Variants in NCKAP5 observed in about 807,000 individuals in gnomAD.
The protein encoded by NCKAP5 is NCK associated protein 5, also known as nck-associated protein 5.
In NCKAP5, 92 loss-of-function variants were observed where a neutral mutation model predicts 167.0. The observed-to-expected ratio is 0.55, with a 90% confidence interval of 0.47 to 0.66. The LOEUF is 0.66. Among genes scored for constraint, NCKAP5 ranks in the 30% least tolerant of loss-of-function variants. NCKAP5 has a pLI of 0.00. For synonymous variants in NCKAP5, 891 were observed against 877.4 expected, an observed-to-expected ratio of 1.02 and a Z score of -0.27; for missense variants, 2,378 against 2,315.0, an observed-to-expected ratio of 1.03 and a Z score of -0.56.
At chr2:132,903,507 AATGT>A (rs1347303145) in intron 8 of NCKAP5, among the ~76,000 whole-genome samples, 3 of 152,254 alleles carry the variant, frequency 2.0e-5, no homozygotes, top group Non-Finnish European at 4.4e-5. Context: ...TGATGTGACA[AATGT>A]ATGTTGACAG....
intron 8 of NCKAP5, among the ~76,000 whole-genome samples, chr2:132,919,473 G>A (rs1161094487): frequency 6.6e-6 from 1 of 152,134 alleles, no homozygotes; most frequent in Non-Finnish European, 1.5e-5. Context: ...GGGAGCCACC[G>A]CTGACAGAGA....
At chr2:133,471,616 G>A (rs1486408776) in intron 3 of NCKAP5, among the ~76,000 whole-genome samples, 3 of 152,144 alleles carry the variant, frequency 2.0e-5, no homozygotes, top group Non-Finnish European at 2.9e-5. Context: ...TGCCTTGGGT[G>A]ATCTCCTGAT....
intron 3 of NCKAP5, among the ~76,000 whole-genome samples, chr2:133,346,920 A>T (rs1026709905): frequency 1.2e-4 from 18 of 152,226 alleles, no homozygotes; most frequent in Admixed American, 9.2e-4. Flanking sequence ...GAGCTCTGAC[A>T]AGTACAAACT....
At chr2:133,103,452 C>A (rs1298026931) in intron 6 of NCKAP5, among the ~76,000 whole-genome samples, 1 of 152,104 alleles carries the variant, frequency 6.6e-6, no homozygotes, top group East Asian at 1.9e-4. Flanking sequence ...AGAGAGAAAG[C>A]ATTTTGAGTG....
In NCKAP5 at chr2:133,213,752, C is replaced by T. The variant is rs780425279; in HGVS notation, c.171G>A (p.Gln57=). Residue 57 remains glutamine (Q), a synonymous_variant, in exon 5 of 20, where the codon CAG becomes CAA. Coordinates refer to ENST00000409261, the MANE Select transcript of NCKAP5 (RefSeq NM_207363.3). ...CACTTGTTCTTTGGGCAACTTCTCG[C>T]TGTAGTCGGGCCACTGCCAACTTCT... is the stretch of plus-strand genomic sequence containing the variant. ...WREKLAVARL[Q]REVAQRTSEG... 1.9e-6 allele frequency: 3 copies of T among 1,613,792 alleles called. No individual in the cohort carries two copies. Among genetic ancestry groups the T allele is most frequent in the African/African-American group, 2.7e-5 (2 of 75,024 alleles).
chr2:133,374,641 G>A (rs1323169163), intron 3 of NCKAP5, among the ~76,000 whole-genome samples: 2 of 151,836 alleles, frequency 1.3e-5, no homozygotes, highest in African/African-American at 2.4e-5. Context: ...GGATATTGGT[G>A]ATGGGGAGAA....
At chr2:132,726,524 G>A (rs1335235447) in intron 18 of NCKAP5, among the ~76,000 whole-genome samples, 1 of 152,186 alleles carries the variant, frequency 6.6e-6, no homozygotes, top group Non-Finnish European at 1.5e-5. Flanking sequence ...TTGAATCGAG[G>A]TTATTTGGGG....
intron 12 of NCKAP5, among the ~76,000 whole-genome samples, chr2:132,793,730 G>A (rs1187020657): frequency 2.0e-5 from 3 of 152,194 alleles, no homozygotes; most frequent in Non-Finnish European, 2.9e-5. Flanking sequence ...GTAAGTTAAG[G>A]AGAGTGTCTG....
At chr2:133,608,029 C>CT in the NCKAP5 span, among the ~76,000 whole-genome samples, 2 of 152,132 alleles carry the variant, frequency 1.3e-5, no homozygotes, top group Admixed American at 6.5e-5. Flanking sequence ...ATTTGGGAAA[C>CT]TTTTTTTAAA....
At chr2:133,412,058 T>A (rs760416195) in intron 3 of NCKAP5, among the ~76,000 whole-genome samples, 37 of 152,108 alleles carry the variant, frequency 2.4e-4, no homozygotes, top group Non-Finnish European at 4.9e-4. Context: ...ATGGTCACAG[T>A]AGTCACTGCT....
chr2:132,781,834 T>A, intron 14 of NCKAP5, 106 bp downstream of exon 14: 1 of 1,053,876 alleles, frequency 9.5e-7, no homozygotes, highest in Non-Finnish European at 1.4e-6. Context: ...TCTGCCTGTA[T>A]GAAAAAACAT....
chr2:132,952,215 T>A (rs1574749242), intron 8 of NCKAP5, among the ~76,000 whole-genome samples: 1 of 152,346 alleles, frequency 6.6e-6, no homozygotes, highest in East Asian at 1.9e-4. Context: ...ATGTTGCCCC[T>A]ATAGTTCATT....
At chr2:133,202,498 C>A (rs907647261) in intron 5 of NCKAP5, among the ~76,000 whole-genome samples, 1 of 152,118 alleles carries the variant, frequency 6.6e-6, no homozygotes, top group Non-Finnish European at 1.5e-5. Context: ...AGGTCTAAAA[C>A]ACCAAAAGCA....
intron 19 of NCKAP5, among the ~76,000 whole-genome samples, chr2:132,685,856 A>C (rs1272081176): frequency 2.6e-5 from 4 of 152,140 alleles, no homozygotes; most frequent in East Asian, 3.9e-4. Context: ...CTCTCCATCC[A>C]TTTATGGCTC....
intron 5 of NCKAP5, among the ~76,000 whole-genome samples, chr2:133,149,431 C>A (rs533185639): frequency 6.6e-6 from 1 of 152,016 alleles, no homozygotes; most frequent in Non-Finnish European, 1.5e-5. Flanking sequence ...AAACGAAGTA[C>A]CACTCCCATC....
rs1216210203 is a variant in NCKAP5 at position 132,784,248 on chromosome 2, G to A, written c.2563C>T (p.Pro855Ser). The change falls in exon 14 of 20, where the codon CCC (proline) becomes TCC (serine). Residue 855 changes from proline to serine, a missense_variant. Transcript: ENST00000409261. ...SRFMKTESSGPLFELRSDPHI... is the reference protein window; with the variant it reads ...SRFMKTESSGSLFELRSDPHI... ...GGATCTGATCGTAATTCAAAGAGGG[G>A]CCCTGAGCTCTCAGTCTTCATGAAT... is the stretch of plus-strand genomic sequence containing the variant. The A allele has an allele frequency of 6.2e-7, 1 of 1,607,334 alleles. No homozygotes were observed. The highest frequency in any genetic ancestry group is 1.7e-5 in the Admixed American group (1 of 58,542).
chr2:133,392,117 T>A (rs1486475815), intron 3 of NCKAP5, among the ~76,000 whole-genome samples: 1 of 152,238 alleles, frequency 6.6e-6, no homozygotes, highest in African/African-American at 2.4e-5. Flanking sequence ...ACATCTACAG[T>A]TATGGGCTGC....
Position 132,781,133 on chromosome 2 carries a change from G to T in NCKAP5, c.4968C>A (p.Ile1656=). 7 of 1,613,900 alleles carry T rather than the reference G, an allele frequency of 4.3e-6. No individual in the cohort carries two copies. Among genetic ancestry groups the T allele is most frequent in the South Asian group, 1.1e-5 (1 of 91,058 alleles). ...TTCCTTGAGTACTGATAGAGCTGCC[G>T]ATGAGACAGGAGCCCTGAGAACTGC... is the stretch of plus-strand genomic sequence containing the variant. ...LKGSSQGSCL[I]GSSISTQGNH... Residue 1656 remains isoleucine, a synonymous_variant, in exon 15 of 20, where the codon ATC becomes ATA. Transcript: ENST00000409261.
chr2:133,379,344 G>C (rs1167760530), intron 3 of NCKAP5, among the ~76,000 whole-genome samples: 1 of 152,116 alleles, frequency 6.6e-6, no homozygotes, highest in Non-Finnish European at 1.5e-5. Flanking sequence ...TTCTCGGAGA[G>C]ACAATCATTT....
Sources: allele counts gnomAD v4.1 joint callset (sites outside exome capture counted in the v4.1 genomes callset), GRCh38; gene constraint gnomAD v4.1.1; transcripts MANE v1.5; gene names NCBI Gene and HGNC (gene_info 2026-07-23, HGNC 2026-07-21).